CLVS1: variants seen among roughly 807,000 people sequenced by gnomAD.
The protein encoded by CLVS1 is clavesin-1.
Under a neutral mutation model 33.1 loss-of-function variants are expected in CLVS1, and 10 were observed. The ratio of observed to expected loss-of-function variants is 0.30; its 90% CI spans 0.19 to 0.51. The LOEUF is 0.51. CLVS1 is among the 20% of genes least tolerant of loss of function. CLVS1 has a pLI of 0.97. For missense variants in CLVS1, 343 were observed against 433.4 expected (o/e 0.79, Z 1.85); for synonymous variants, 163 against 166.1 (o/e 0.98, Z 0.14).
At chr8:61,298,479 T>G (rs915050152) in intron 1 of CLVS1, among the ~76,000 whole-genome samples, 26 of 152,154 alleles carry the variant, frequency 1.7e-4, no homozygotes, top group Non-Finnish European at 2.9e-5. Context: ...ACATATAAAG[T>G]AGAAATATGT....
intron 2 of CLVS1, among the ~76,000 whole-genome samples, chr8:61,268,680 T>G (rs995816777): frequency 2.2e-5 from 3 of 137,774 alleles, no homozygotes; most frequent in Non-Finnish European, 4.7e-5. Context: ...CAGCACCTGT[T>G]GTTTCCTGAC....
At chr8:61,269,421 C>G (rs1231370420) in intron 2 of CLVS1, among the ~76,000 whole-genome samples, 4 of 151,860 alleles carry the variant, frequency 2.6e-5, no homozygotes, top group Non-Finnish European at 5.9e-5. Flanking sequence ...TTACTGTAGC[C>G]TTGTAGTATA....
At chr8:61,408,563 G>T (rs762228524) in intron 3 of CLVS1, among the ~76,000 whole-genome samples, 13 of 152,064 alleles carry the variant, frequency 8.5e-5, no homozygotes, top group Non-Finnish European at 1.5e-4. Context: ...ATTAGACTTG[G>T]TTTTATCTAC....
At position 61,484,968 on chromosome 8, in the gene CLVS1, G is replaced by T. The variant is rs1316294779; in HGVS notation, c.978-14487G>T. Among the ~76,000 whole-genome samples, 12 of 152,002 alleles carry T rather than the reference G, an allele frequency of 7.9e-5. No individual in the cohort carries two copies. In the South Asian group the frequency reaches 8.3e-4, roughly 11 times the overall value. ...TCAAGATGGATTAAAGACTTAAATG[G>T]TAGACCTAAAACCATAAAAACCCTA... On this transcript the variant is annotated intron_variant, in intron 5 of 5. Coordinates refer to ENST00000325897, the MANE Select transcript of CLVS1 (RefSeq NM_173519.3).
the CLVS1 span, among the ~76,000 whole-genome samples, chr8:61,033,061 T>TAGAAAGAAAAAGAA: frequency 2.3e-5 from 1 of 43,422 alleles, no homozygotes; most frequent in Non-Finnish European, 5.5e-5. Flanking sequence ...GAAAGAAAGA[T>TAGAAAGAAAAAGAA]AGAAAGAAAG....
chr8:61,267,951 A>C (rs879588087), intron 2 of CLVS1, among the ~76,000 whole-genome samples: 9 of 152,154 alleles, frequency 5.9e-5, no homozygotes, highest in Non-Finnish European at 1.3e-4. Flanking sequence ...TGATGGATCG[A>C]TCAGAGGAGG....
In CLVS1 at chr8:61,119,967, T is replaced by C. The variant is rs999899676; in HGVS notation, c.-242-11803T>C. On this transcript the variant is annotated intron_variant, in intron 1 of 2. Coordinates refer to the CLVS1 transcript ENST00000522621. ...CTCCTGGATAATATCCTGCAGAGTG[T>C]TTTCCAACTTGGTTCCATTCTCCCC... Among the ~76,000 whole-genome samples the C allele has an allele frequency of 2.2e-4, 31 of 143,292 alleles. 1 individual carries two copies. The highest frequency in any genetic ancestry group is 7.2e-4 in the African/African-American group (27 of 37,500). The allele number at this position is 143,292 out of a possible 152,430, so 94.0% of individuals were successfully genotyped here.
intron 1 of CLVS1, among the ~76,000 whole-genome samples, chr8:61,297,205 G>A (rs1190275621): frequency 6.6e-6 from 1 of 152,096 alleles, no homozygotes; most frequent in Admixed American, 6.6e-5. Flanking sequence ...TTTATCCTGG[G>A]ACAACTAGAT....
At chr8:60,997,818 C>T in the CLVS1 span, among the ~76,000 whole-genome samples, 3 of 152,204 alleles carry the variant, frequency 2.0e-5, no homozygotes, top group East Asian at 3.9e-4. Context: ...GAGCCTAAGA[C>T]TTTTTTCTTT....
At chr8:61,375,087 C>G (rs1813590219) in intron 2 of CLVS1, among the ~76,000 whole-genome samples, 1 of 152,088 alleles carries the variant, frequency 6.6e-6, no homozygotes, top group Non-Finnish European at 1.5e-5. Flanking sequence ...CCTGACTACT[C>G]AAATTGTATT....
At chr8:61,145,126 C>T (rs769050703) in intron 2 of CLVS1, among the ~76,000 whole-genome samples, 28 of 152,170 alleles carry the variant, frequency 1.8e-4, no homozygotes, top group Non-Finnish European at 4.0e-4. Flanking sequence ...AACTAAAAAG[C>T]TTCTGCACAG....
the CLVS1 span, among the ~76,000 whole-genome samples, chr8:60,984,736 T>C: frequency 6.6e-6 from 1 of 152,190 alleles, no homozygotes; most frequent in African/African-American, 2.4e-5. Context: ...ACCCAGATCA[T>C]CACATTTAAT....
At chr8:61,064,092 T>C (rs1365329738) in intron 1 of CLVS1, among the ~76,000 whole-genome samples, 1 of 152,250 alleles carries the variant, frequency 6.6e-6, no homozygotes, top group Admixed American at 6.5e-5. Context: ...TTCTATTCTA[T>C]GGATACACCA....
intron 2 of CLVS1, among the ~76,000 whole-genome samples, chr8:61,315,777 A>G (rs1436025209): frequency 6.6e-6 from 1 of 152,062 alleles, no homozygotes; most frequent in Non-Finnish European, 1.5e-5. Flanking sequence ...ATGTGCAGAA[A>G]GTGCAGGTTT....
intron 2 of CLVS1, among the ~76,000 whole-genome samples, chr8:61,135,839 T>C (rs73685738): frequency 0.017 from 2,586 of 152,330 alleles, 75 homozygotes; most frequent in African/African-American, 0.056. Context: ...CTAGTAGAGA[T>C]GCATTCGCCT....
chr8:61,177,449 C>G (rs554901295), intron 2 of CLVS1, among the ~76,000 whole-genome samples: 7 of 152,304 alleles, frequency 4.6e-5, no homozygotes, highest in Non-Finnish European at 8.8e-5. Flanking sequence ...AGATTCCCCC[C>G]AGTGCGGCAC....
intron 2 of CLVS1, among the ~76,000 whole-genome samples, chr8:61,352,011 A>G (rs973209516): frequency 1.3e-5 from 2 of 152,084 alleles, no homozygotes; most frequent in Non-Finnish European, 2.9e-5. Flanking sequence ...GAGGAAGAGT[A>G]GAAACATGTG....
intron 1 of CLVS1, among the ~76,000 whole-genome samples, chr8:61,070,167 G>A (rs1280399077): frequency 6.6e-6 from 1 of 152,100 alleles, no homozygotes; most frequent in Non-Finnish European, 1.5e-5. Flanking sequence ...CTGAGGCCCT[G>A]TCCTCAGGGT....
chr8:61,452,068 A>G (rs1218358037), intron 3 of CLVS1, among the ~76,000 whole-genome samples: 1 of 152,230 alleles, frequency 6.6e-6, no homozygotes, highest in African/African-American at 2.4e-5. Context: ...ATGAAAGCCC[A>G]TGCCTTCAAT....
Sources: gnomAD v4.1 joint callset for allele counts (sites outside exome capture counted in the v4.1 genomes callset) on GRCh38, gnomAD v4.1.1 for gene constraint, MANE v1.5 for transcripts, NCBI Gene and HGNC (gene_info 2026-07-23, HGNC 2026-07-21) for gene names.